Variants in SBF2 observed in about 807,000 individuals in gnomAD.
SBF2 encodes the protein myotubularin-related protein 13.
Under a neutral mutation model 225.2 loss-of-function variants are expected in SBF2, and 112 were observed. That is an observed-to-expected ratio of 0.50 (90% CI 0.43 to 0.58). The LOEUF is 0.58. Ranked by LOEUF, SBF2 falls within the 20% of genes least tolerant of loss-of-function variation. SBF2 has a pLI of 0.00. For synonymous variants in SBF2, 763 were observed against 773.3 expected (o/e 0.99, Z 0.22); for missense variants, 1,996 against 2,206.2 (o/e 0.90, Z 1.91).
chr11:9,854,595 T>G (rs1440506679), intron 19 of SBF2, among the ~76,000 whole-genome samples: 1 of 152,166 alleles, frequency 6.6e-6, no homozygotes, highest in Non-Finnish European at 1.5e-5. Flanking sequence ...ATTTATTTAT[T>G]TATTTTAGAG....
chr11:9,900,233 C>T (rs756205120), intron 16 of SBF2, among the ~76,000 whole-genome samples: 4 of 152,124 alleles, frequency 2.6e-5, no homozygotes, highest in Non-Finnish European at 4.4e-5. Context: ...ATGTTAGATA[C>T]GAGTTCTAAA....
intron 29 of SBF2, among the ~76,000 whole-genome samples, chr11:9,816,611 ATATT>A (rs1193263828): frequency 2.6e-5 from 4 of 152,160 alleles, no homozygotes; most frequent in African/African-American, 9.6e-5. Context: ...TTATGAATAA[ATATT>A]TATTTTCATG....
intron 17 of SBF2, 152 bp downstream of exon 17, chr11:9,895,791 A>G: frequency 1.5e-6 from 1 of 669,338 alleles, no homozygotes; most frequent in Admixed American, 2.1e-5. Flanking sequence ...TCCTACACAT[A>G]GCATGCAATA....
intron 16 of SBF2, among the ~76,000 whole-genome samples, chr11:9,931,965 C>T (rs559029818): frequency 3.3e-5 from 5 of 152,042 alleles, no homozygotes; most frequent in African/African-American, 4.8e-5. Flanking sequence ...AACCATGGCA[C>T]GAGAACTTCG....
chr11:9,951,504 T>C (rs1229337913), intron 16 of SBF2, among the ~76,000 whole-genome samples: 1 of 152,136 alleles, frequency 6.6e-6, no homozygotes, highest in Non-Finnish European at 1.5e-5. Context: ...TAAGACTGCC[T>C]AGGGAGAATT....
intron 17 of SBF2, among the ~76,000 whole-genome samples, chr11:9,874,523 T>C (rs1371937528): frequency 6.6e-6 from 1 of 152,254 alleles, no homozygotes; most frequent in East Asian, 1.9e-4. Flanking sequence ...TTAAGACTCT[T>C]GTCAATGACC....
At chr11:10,010,520 T>C (rs539056984) in intron 6 of SBF2, among the ~76,000 whole-genome samples, 3 of 152,340 alleles carry the variant, frequency 2.0e-5, no homozygotes, top group African/African-American at 7.2e-5. Flanking sequence ...CTTGTTTTTG[T>C]CAGGTTTGTC....
intron 17 of SBF2, among the ~76,000 whole-genome samples, chr11:9,880,863 C>G (rs527882298): frequency 6.6e-6 from 1 of 152,308 alleles, no homozygotes; most frequent in South Asian, 2.1e-4. Context: ...CTACAAAATT[C>G]TGCCCCTGTC....
At chr11:9,878,198 T>C (rs1300059941) in intron 17 of SBF2, among the ~76,000 whole-genome samples, 1 of 152,250 alleles carries the variant, frequency 6.6e-6, no homozygotes, top group Non-Finnish European at 1.5e-5. Flanking sequence ...ATGTCTTCTT[T>C]TGAGAAGTGT....
intron 2 of SBF2, among the ~76,000 whole-genome samples, chr11:10,182,726 C>T (rs1208006782): frequency 3.3e-5 from 5 of 150,692 alleles, no homozygotes; most frequent in African/African-American, 9.8e-5. Flanking sequence ...GCTAATTTTT[C>T]TATGTCTTTT....
intron 2 of SBF2, among the ~76,000 whole-genome samples, chr11:10,166,463 A>C (rs887858295): frequency 1.3e-5 from 2 of 152,144 alleles, no homozygotes; most frequent in African/African-American, 4.8e-5. Flanking sequence ...AGGGGAAGGG[A>C]CCACAAGAGA....
At chr11:9,793,017 A>C (rs1307573254) in intron 33 of SBF2, among the ~76,000 whole-genome samples, 1 of 150,336 alleles carries the variant, frequency 6.7e-6, no homozygotes, top group Non-Finnish European at 1.5e-5. Flanking sequence ...GGCTCAAGCA[A>C]GCCGCCCACC....
At chr11:9,865,143 C>G (rs1858085641) in intron 17 of SBF2, among the ~76,000 whole-genome samples, 1 of 152,100 alleles carries the variant, frequency 6.6e-6, no homozygotes, top group Admixed American at 6.6e-5. Context: ...CAACTTTATA[C>G]AAGTAGTACA....
intron 9 of SBF2, 44 bp from the exon 10 acceptor site, chr11:9,994,042 T>C (rs1428422314): frequency 8.9e-7 from 1 of 1,124,252 alleles, no homozygotes; most frequent in Non-Finnish European, 1.4e-6. Flanking sequence ...ATAATATCAA[T>C]GAAATCTATT....
intron 13 of SBF2, among the ~76,000 whole-genome samples, chr11:9,981,304 G>A (rs1472874211): frequency 6.6e-6 from 1 of 152,168 alleles, no homozygotes; most frequent in Non-Finnish European, 1.5e-5. Context: ...CTACTAGACA[G>A]GGGAGGAAAG....
At chr11:9,821,327 A>G (rs897719459) in intron 28 of SBF2, among the ~76,000 whole-genome samples, 1 of 152,166 alleles carries the variant, frequency 6.6e-6, no homozygotes, top group African/African-American at 2.4e-5. Flanking sequence ...ATTTGCACTG[A>G]AAGAGTGAAA....
chr11:10,082,606 A>C (rs1691406410), intron 2 of SBF2, among the ~76,000 whole-genome samples: 1 of 152,226 alleles, frequency 6.6e-6, no homozygotes, highest in Admixed American at 6.5e-5. Context: ...AATGTGATTC[A>C]CTAGATAAAC....
chr11:10,268,074 T>C (rs1962161613), intron 1 of SBF2, among the ~76,000 whole-genome samples: 1 of 152,212 alleles, frequency 6.6e-6, no homozygotes, highest in Non-Finnish European at 1.5e-5. Context: ...ATGAAGCATT[T>C]ATAAAATTCA....
chr11:10,089,053 T>TA (rs1220158640), intron 2 of SBF2, among the ~76,000 whole-genome samples: 2 of 151,952 alleles, frequency 1.3e-5, no homozygotes, highest in East Asian at 3.9e-4. Flanking sequence ...AAGACGGTCT[T>TA]AAAAAAAATG....
Sources: gnomAD v4.1 joint callset for allele counts (sites outside exome capture counted in the v4.1 genomes callset) on GRCh38, gnomAD v4.1.1 for gene constraint, MANE v1.5 for transcripts, NCBI Gene and HGNC (gene_info 2026-07-23, HGNC 2026-07-21) for gene names.